Variants in AP3B1 observed in about 807,000 individuals in gnomAD.
The protein encoded by AP3B1 is adaptor related protein complex 3 subunit beta 1.
A neutral mutation model predicts 132.5 loss-of-function variants in AP3B1; 61 were observed. The ratio of observed to expected loss-of-function variants is 0.46; its 90% CI spans 0.37 to 0.57. AP3B1 has a LOEUF of 0.57. Among genes scored for constraint, AP3B1 ranks in the 20% least tolerant of loss-of-function variants. The pLI is 0.00. For missense variants in AP3B1, 1,120 were observed against 1,289.4 expected (o/e 0.87, Z 2.01); for synonymous variants, 388 against 438.3 (o/e 0.89, Z 1.43).
chr5:78,057,026 T>C (rs252782), intron 22 of AP3B1, among the ~76,000 whole-genome samples: 40,707 of 152,132 alleles, frequency 0.27, 6,062 homozygotes, highest in Admixed American at 0.4. Flanking sequence ...AGTTTCATTT[T>C]TATACAGGAT....
chr5:78,181,768 C>T (rs759030479), intron 7 of AP3B1, 106 bp from the exon 8 acceptor site: 113 of 927,624 alleles, frequency 1.2e-4, no homozygotes, highest in Middle Eastern at 5.0e-4. Flanking sequence ...AACATTTTAC[C>T]GTAGAATACT....
At chr5:78,218,537 G>C (rs1432915870) in intron 6 of AP3B1, among the ~76,000 whole-genome samples, 1 of 151,938 alleles carries the variant, frequency 6.6e-6, no homozygotes, top group African/African-American at 2.4e-5. Flanking sequence ...TAAACTACAT[G>C]AACCATCAAC....
downstream of AP3B1, chr5:78,001,787 T>C (rs1436035041): frequency 6.6e-6 from 1 of 152,204 alleles, no homozygotes; most frequent in African/African-American, 2.4e-5. Context: ...TACCTGAAAG[T>C]CCATTACCTT....
At chr5:78,085,024 T>C (rs1027419339) in intron 22 of AP3B1, among the ~76,000 whole-genome samples, 2 of 151,064 alleles carry the variant, frequency 1.3e-5, no homozygotes, top group Non-Finnish European at 2.9e-5. Context: ...ACATTTAGGT[T>C]TGAACAACCA....
At chr5:78,194,816 A>G (rs551056179) in intron 7 of AP3B1, among the ~76,000 whole-genome samples, 1 of 152,226 alleles carries the variant, frequency 6.6e-6, no homozygotes, top group Non-Finnish European at 1.5e-5. Context: ...ATCTCCAAAA[A>G]TCCAGACAGA....
chr5:78,046,558 C>T (rs1580278463), intron 22 of AP3B1, among the ~76,000 whole-genome samples: 1 of 152,164 alleles, frequency 6.6e-6, no homozygotes, highest in Admixed American at 6.5e-5. Context: ...CCACAGCAAA[C>T]AGCCTTTGGA....
At chr5:78,208,537 C>A (rs1407354023) in intron 7 of AP3B1, among the ~76,000 whole-genome samples, 2 of 152,064 alleles carry the variant, frequency 1.3e-5, no homozygotes, top group Non-Finnish European at 1.5e-5. Context: ...GTCAGAAAAA[C>A]AATAGCTTCC....
chr5:78,216,230 G>A lies in AP3B1; in HGVS notation c.611C>T (p.Ala204Val). Residue 204 changes from alanine (A) to valine (V), a missense_variant, in exon 7 of 27, where the codon GCT becomes GTT. By Grantham distance (64) the Ala-to-Val change is moderately conservative. This residue lies in a region of AP3B1 where 129 missense variants were observed against 212.4 expected (regional missense o/e 0.61). Transcript: ENST00000255194. ...TTCAAAAGCCATCACAACACTGCCA[G>A]CTACCAACTAGAAAAGAAAGAAATA... ...KLLKDKSTLV[A>V]GSVVMAFEEV... 2 of 1,613,746 alleles carry A rather than the reference G, an allele frequency of 1.2e-6. No homozygotes were observed. Among genetic ancestry groups the A allele is most frequent in the Non-Finnish European group, 1.7e-6 (2 of 1,179,824 alleles).
At chr5:78,059,469 T>C (rs1243218004) in intron 22 of AP3B1, among the ~76,000 whole-genome samples, 2 of 152,264 alleles carry the variant, frequency 1.3e-5, no homozygotes, top group Non-Finnish European at 2.9e-5. Flanking sequence ...ATTCTTATGT[T>C]GTGAAACCTA....
intron 14 of AP3B1, among the ~76,000 whole-genome samples, chr5:78,151,454 T>A (rs1018274598): frequency 7.1e-4 from 108 of 152,326 alleles, no homozygotes; most frequent in African/African-American, 2.5e-3. Flanking sequence ...GATGAAAGGC[T>A]AAGATTTTCC....
At chr5:78,167,193 G>C (rs1179827034) in intron 11 of AP3B1, among the ~76,000 whole-genome samples, 3 of 151,984 alleles carry the variant, frequency 2.0e-5, no homozygotes, top group Non-Finnish European at 4.4e-5. Context: ...GATATGAATA[G>C]ACAATTCTCA....
intron 24 of AP3B1, among the ~76,000 whole-genome samples, chr5:78,024,412 A>C (rs1441109914): frequency 3.9e-4 from 60 of 152,020 alleles, no homozygotes; most frequent in African/African-American, 1.4e-3. Context: ...TCTGGGAGAC[A>C]GGGTCTCAGC....
At chr5:78,201,339 T>G (rs901484069) in intron 7 of AP3B1, among the ~76,000 whole-genome samples, 1 of 152,114 alleles carries the variant, frequency 6.6e-6, no homozygotes, top group Non-Finnish European at 1.5e-5. Context: ...ATAAAAAGAT[T>G]TGTGCAAGAA....
At chr5:78,176,097 G>T (rs1438982528) in intron 9 of AP3B1, among the ~76,000 whole-genome samples, 1 of 152,162 alleles carries the variant, frequency 6.6e-6, no homozygotes, top group East Asian at 1.9e-4. Context: ...AAAATATGAA[G>T]TTAACATTGT....
intron 2 of AP3B1, among the ~76,000 whole-genome samples, chr5:78,248,432 G>C (rs1747467767): frequency 7.1e-6 from 1 of 141,256 alleles, no homozygotes; most frequent in African/African-American, 2.6e-5. Flanking sequence ...GGCAGAGGTT[G>C]CAGTGAGCCG....
chr5:78,097,235 T>G (rs1329401929), intron 21 of AP3B1, among the ~76,000 whole-genome samples: 4 of 73,154 alleles, frequency 5.5e-5, no homozygotes, highest in African/African-American at 1.3e-4. Context: ...GGGAGGGAGG[T>G]GGGGGGGTCA....
At chr5:78,124,154 C>T (rs1325991201) in intron 17 of AP3B1, among the ~76,000 whole-genome samples, 2 of 152,012 alleles carry the variant, frequency 1.3e-5, no homozygotes, top group Admixed American at 6.6e-5. Context: ...ACAATGAGAA[C>T]ACATGGACAC....
intron 20 of AP3B1, chr5:78,101,254 A>C: frequency 2.1e-6 from 1 of 480,502 alleles, no homozygotes; most frequent in African/African-American, 2.0e-5. Flanking sequence ...TTTAAAAATT[A>C]TAAATGTCAG....
At chr5:78,029,503 A>T (rs1167702202) in intron 24 of AP3B1, among the ~76,000 whole-genome samples, 1 of 145,598 alleles carries the variant, frequency 6.9e-6, no homozygotes, top group African/African-American at 2.6e-5. Context: ...TTTGTTTTTT[A>T]CCTGTTTAGT....
Sources: allele counts gnomAD v4.1 joint callset (sites outside exome capture counted in the v4.1 genomes callset), GRCh38; gene constraint gnomAD v4.1.1; regional missense constraint gnomAD v4.1.1; transcripts MANE v1.5; gene names NCBI Gene and HGNC (gene_info 2026-07-23, HGNC 2026-07-21).